Variants in PPP1R16B observed in about 807,000 individuals in gnomAD.
The protein encoded by PPP1R16B is protein phosphatase 1 regulatory subunit 16B.
In PPP1R16B, 14 loss-of-function variants were observed where a neutral mutation model predicts 61.7. The ratio of observed to expected loss-of-function variants is 0.23; its 90% CI spans 0.15 to 0.35. The LOEUF is 0.35. PPP1R16B is among the 10% of genes least tolerant of loss of function. The pLI is 1.00. For synonymous variants in PPP1R16B, 266 were observed against 305.3 expected, an observed-to-expected ratio of 0.87 and a Z score of 1.34; for missense variants, 547 against 752.5, an observed-to-expected ratio of 0.73 and a Z score of 3.19.
intron 5 of PPP1R16B, 62 bp from the exon 6 acceptor site, chr20:38,902,606 C>T: frequency 1.2e-6 from 2 of 1,606,712 alleles, no homozygotes; most frequent in Non-Finnish European, 1.7e-6. Flanking sequence ...CATCTGCCTT[C>T]CCCTGCCCTC....
intron 2 of PPP1R16B, among the ~76,000 whole-genome samples, chr20:38,878,144 A>ATC (rs970818750): frequency 3.0e-4 from 46 of 152,032 alleles, no homozygotes; most frequent in African/African-American, 1.0e-3. Context: ...ATTTGCATTT[A>ATC]TCTTTTCCAT....
chr20:38,897,271 G>A (rs1285973039), intron 4 of PPP1R16B, among the ~76,000 whole-genome samples: 1 of 152,198 alleles, frequency 6.6e-6, no homozygotes, highest in East Asian at 1.9e-4. Flanking sequence ...AGGTTGCAGT[G>A]AGCCAAGATT....
chr20:38,893,995 G>C (rs1184246121), intron 3 of PPP1R16B, among the ~76,000 whole-genome samples: 1 of 152,100 alleles, frequency 6.6e-6, no homozygotes, highest in Non-Finnish European at 1.5e-5. Flanking sequence ...TCTGCCGGCC[G>C]CGCCGTGCTG....
At chr20:38,914,019 C>G (rs953328155) in intron 10 of PPP1R16B, among the ~76,000 whole-genome samples, 5 of 152,146 alleles carry the variant, frequency 3.3e-5, no homozygotes, top group African/African-American at 1.2e-4. Context: ...TGGCGAAACC[C>G]TGTCTCTACT....
chr20:38,861,655 T>C (rs1048174947), intron 2 of PPP1R16B, among the ~76,000 whole-genome samples: 5 of 150,296 alleles, frequency 3.3e-5, no homozygotes, highest in African/African-American at 9.8e-5. Flanking sequence ...TGGTGGGCCC[T>C]GGCCTGCTGC....
At chr20:38,866,311 C>T (rs1056414952) in intron 2 of PPP1R16B, among the ~76,000 whole-genome samples, 3 of 152,072 alleles carry the variant, frequency 2.0e-5, no homozygotes, top group Non-Finnish European at 4.4e-5. Context: ...GAAGGGGCAC[C>T]TCTGGGTTCT....
chr20:38,903,859 A>G (rs1438656075), intron 6 of PPP1R16B, among the ~76,000 whole-genome samples: 1 of 152,196 alleles, frequency 6.6e-6, no homozygotes, highest in Non-Finnish European at 1.5e-5. Context: ...TGCTTCTGCA[A>G]CCTGTAAGTC....
At chr20:38,841,442 C>G (rs984157829) in intron 2 of PPP1R16B, among the ~76,000 whole-genome samples, 2 of 149,692 alleles carry the variant, frequency 1.3e-5, no homozygotes, top group Non-Finnish European at 3.0e-5. Flanking sequence ...GCAGGAGGAT[C>G]GCTTGAATCC....
chr20:38,843,346 T>G (rs1162797767), intron 2 of PPP1R16B, among the ~76,000 whole-genome samples: 2 of 152,248 alleles, frequency 1.3e-5, no homozygotes, highest in African/African-American at 2.4e-5. Context: ...GCAGCTCAGC[T>G]GGGTGGTTCT....
chr20:38,821,284 G>C (rs2084772085), intron 1 of PPP1R16B, among the ~76,000 whole-genome samples: 1 of 152,222 alleles, frequency 6.6e-6, no homozygotes, highest in South Asian at 2.1e-4. Flanking sequence ...CTATCAGCCA[G>C]TGGAGGGAGA....
intron 1 of PPP1R16B, among the ~76,000 whole-genome samples, chr20:38,821,985 A>ATG (rs1277636995): frequency 2.7e-5 from 4 of 146,556 alleles, no homozygotes; most frequent in Non-Finnish European, 6.0e-5. Flanking sequence ...CCTCAGAAAT[A>ATG]TATATATATT....
At chr20:38,917,131 T>C (rs1446376408) in intron 10 of PPP1R16B, among the ~76,000 whole-genome samples, 2 of 152,164 alleles carry the variant, frequency 1.3e-5, no homozygotes, top group African/African-American at 4.8e-5. Flanking sequence ...ACCCCATCTC[T>C]ACAAAAATAC....
intron 3 of PPP1R16B, among the ~76,000 whole-genome samples, chr20:38,894,698 C>T (rs959042681): frequency 2.6e-5 from 4 of 152,194 alleles, no homozygotes; most frequent in Non-Finnish European, 1.5e-5. Flanking sequence ...ATCCCGCAGT[C>T]TGTAAAGTGG....
At chr20:38,828,001 A>G (rs1405352615) in intron 1 of PPP1R16B, among the ~76,000 whole-genome samples, 1 of 152,212 alleles carries the variant, frequency 6.6e-6, no homozygotes, top group Non-Finnish European at 1.5e-5. Flanking sequence ...TGCTGCCAAT[A>G]TTGTGTAGAG....
At chr20:38,844,610 T>C (rs2084926388) in intron 2 of PPP1R16B, among the ~76,000 whole-genome samples, 1 of 152,236 alleles carries the variant, frequency 6.6e-6, no homozygotes, top group African/African-American at 2.4e-5. Flanking sequence ...GATTAAGGTT[T>C]CATAAAATTA....
At position 38,920,172 on chromosome 20, in the gene PPP1R16B, C is replaced by T. The variant is rs1030880492; in HGVS notation, c.*1506C>T. On this transcript the variant is annotated 3_prime_UTR_variant, in exon 11 of 11. Transcript: ENST00000299824. ...GGAGGACTGTGAATGGCTGTTCTCCCCTCACTGCTGAGTCTCCCAGGACCC... is the reference window on the plus strand; with the variant it reads ...GGAGGACTGTGAATGGCTGTTCTCCTCTCACTGCTGAGTCTCCCAGGACCC... 4 of 152,816 alleles carry T rather than the reference C, an allele frequency of 2.6e-5. No homozygotes were observed. Among genetic ancestry groups the T allele is most frequent in the African/African-American group, 4.8e-5 (2 of 41,456 alleles). 9.5% of individuals were successfully genotyped at this position (152,816 alleles called of 1,614,324 possible).
chr20:38,816,850 C>A (rs544449354), intron 1 of PPP1R16B, among the ~76,000 whole-genome samples: 217 of 152,322 alleles, frequency 1.4e-3, no homozygotes, highest in Non-Finnish European at 2.6e-3. Context: ...AGGGCAGGGG[C>A]CAGGCGAGGT....
chr20:38,882,665 G>A (rs1374232004), intron 2 of PPP1R16B, among the ~76,000 whole-genome samples: 1 of 152,222 alleles, frequency 6.6e-6, no homozygotes, highest in Non-Finnish European at 1.5e-5. Context: ...GGAACAAGTA[G>A]CTCCATGGGT....
chr20:38,907,179 G>A lies in PPP1R16B; in HGVS notation c.898+125G>A. The A allele has an allele frequency of 1.4e-6, 1 of 739,200 alleles. No individual in the cohort carries two copies. Among genetic ancestry groups the A allele is most frequent in the Non-Finnish European group, 2.3e-6 (1 of 433,124 alleles). The allele number at this position is 739,200 out of a possible 1,614,324, so 45.8% of individuals were successfully genotyped here. On this transcript the variant is annotated intron_variant, in intron 8 of 10. Coordinates refer to ENST00000299824, the MANE Select transcript of PPP1R16B (RefSeq NM_015568.4). The surrounding 1 kb of genome is among the most constrained non-coding windows in gnomAD (Gnocchi z 4.5). Reference sequence around the variant, plus strand: ...GGATTGGTGTCTAGATAGATAGATGGATTAATTAATGGATGGTAGATGAAT... The same window carrying A: ...GGATTGGTGTCTAGATAGATAGATGAATTAATTAATGGATGGTAGATGAAT...
Sources: gnomAD v4.1 joint callset for allele counts (sites outside exome capture counted in the v4.1 genomes callset) on GRCh38, gnomAD v4.1.1 for gene constraint, Gnocchi (gnomAD v3.1) non-coding constraint, MANE v1.5 for transcripts, NCBI Gene and HGNC (gene_info 2026-07-23, HGNC 2026-07-21) for gene names.